The following PTPRD variants were observed in gnomAD, a reference collection of about 807,000 sequenced individuals.
PTPRD encodes receptor-type tyrosine-protein phosphatase delta.
In PTPRD, 34 loss-of-function variants were observed where a neutral mutation model predicts 214.5. The observed-to-expected ratio is 0.16, with a 90% CI of 0.12 to 0.21. The LOEUF is 0.21. Among genes scored for constraint, PTPRD ranks in the 10% least tolerant of loss-of-function variants. PTPRD has a pLI of 1.00. For missense variants in PTPRD, 2,545 were observed against 2,398.7 expected, an observed-to-expected ratio of 1.06 and a Z score of -1.27; for synonymous variants, 1,128 against 845.7, an observed-to-expected ratio of 1.33 and a Z score of -5.79.
chr9:8,420,176 G>A (rs1203524669), intron 35 of PTPRD, among the ~76,000 whole-genome samples: 5 of 151,988 alleles, frequency 3.3e-5, no homozygotes, highest in African/African-American at 1.2e-4. Context: ...AACACTAAAG[G>A]AACCCTTGGA....
rs1223426076 is a variant in PTPRD at position 8,971,499 on chromosome 9, CAA to C, written c.-104+47196_-104+47197del. 2.6e-5 allele frequency among the ~76,000 whole-genome samples: 4 copies of C among 151,698 alleles called. No homozygotes were observed. The East Asian group carries it at 5.8e-4, about 22-fold the overall frequency. ...GGGAAGGACAGTTATGCCTAATTCA[CAA>C]AGTTATTGTGAATATTAAATGAATT... On this transcript the variant is annotated intron_variant, in intron 11 of 45. Coordinates refer to ENST00000381196, the MANE Select transcript of PTPRD (RefSeq NM_002839.4).
At chr9:8,905,804 C>G (rs1466290938) in intron 11 of PTPRD, among the ~76,000 whole-genome samples, 1 of 151,516 alleles carries the variant, frequency 6.6e-6, no homozygotes, top group Admixed American at 6.6e-5. Context: ...TGTAGGCTAG[C>G]TTGGAATAAT....
At chr9:9,374,979 C>A (rs1383620114) in intron 9 of PTPRD, among the ~76,000 whole-genome samples, 1 of 151,972 alleles carries the variant, frequency 6.6e-6, no homozygotes, top group Non-Finnish European at 1.5e-5. Context: ...ATATCATGAG[C>A]AAAAATATCA....
chr9:10,321,606 G>T (rs1471897386), intron 3 of PTPRD, among the ~76,000 whole-genome samples: 2 of 150,408 alleles, frequency 1.3e-5, no homozygotes, highest in Non-Finnish European at 3.0e-5. Context: ...TAAAAGCGGG[G>T]GTGGAATGGA....
intron 12 of PTPRD, among the ~76,000 whole-genome samples, chr9:8,650,876 CT>C (rs531637673): frequency 2.1e-3 from 294 of 139,970 alleles, no homozygotes; most frequent in Middle Eastern, 3.6e-3. Flanking sequence ...ATTTAGCATT[CT>C]TTTTTTTTTT....
intron 12 of PTPRD, among the ~76,000 whole-genome samples, chr9:8,718,897 T>C (rs190136768): frequency 1.3e-5 from 2 of 152,176 alleles, no homozygotes; most frequent in Admixed American, 6.5e-5. Context: ...GGATCAATGG[T>C]GTTTTCTCAT....
At chr9:9,030,130 T>A (rs528029022) in intron 10 of PTPRD, among the ~76,000 whole-genome samples, 2 of 151,604 alleles carry the variant, frequency 1.3e-5, no homozygotes, top group South Asian at 4.2e-4. Context: ...TAACAGGAAA[T>A]CTATGAAAGG....
chr9:8,427,223 C>T (rs957909416), intron 35 of PTPRD, among the ~76,000 whole-genome samples: 16 of 152,134 alleles, frequency 1.1e-4, no homozygotes, highest in African/African-American at 3.6e-4. Context: ...AAAATGTAAT[C>T]ACTTCTGCAC....
At chr9:9,654,272 T>C (rs974225694) in intron 7 of PTPRD, among the ~76,000 whole-genome samples, 1 of 152,164 alleles carries the variant, frequency 6.6e-6, no homozygotes. Flanking sequence ...TAGTAAAATA[T>C]GTGATGTATA....
At chr9:9,009,656 T>C (rs913082882) in intron 11 of PTPRD, among the ~76,000 whole-genome samples, 2 of 151,980 alleles carry the variant, frequency 1.3e-5, no homozygotes, top group African/African-American at 2.4e-5. Context: ...TTAGAGTTAA[T>C]ATAATTTAGA....
intron 7 of PTPRD, among the ~76,000 whole-genome samples, chr9:9,720,811 C>CA (rs112359063): frequency 0.43 from 65,106 of 151,470 alleles, 16,475 homozygotes; most frequent in African/African-American, 0.7. Context: ...ACTATGCAAC[C>CA]AAAAAAAAGA....
intron 3 of PTPRD, among the ~76,000 whole-genome samples, chr9:10,266,966 G>A (rs2094107904): frequency 1.3e-5 from 2 of 151,838 alleles, no homozygotes; most frequent in South Asian, 2.1e-4. Flanking sequence ...CGAGGCGGGC[G>A]AATCACCAGG....
intron 3 of PTPRD, among the ~76,000 whole-genome samples, chr9:10,196,384 C>T (rs188689216): frequency 7.9e-5 from 12 of 152,146 alleles, no homozygotes; most frequent in Non-Finnish European, 1.5e-4. Context: ...AAACATCTGG[C>T]ACAAATTAAG....
intron 35 of PTPRD, among the ~76,000 whole-genome samples, chr9:8,421,232 A>T (rs1460056597): frequency 6.6e-6 from 1 of 152,148 alleles, no homozygotes; most frequent in Non-Finnish European, 1.5e-5. Flanking sequence ...TCTCTTTTGC[A>T]GGAGATGCAG....
intron 14 of PTPRD, among the ~76,000 whole-genome samples, chr9:8,603,019 T>C (rs911105739): frequency 2.0e-5 from 3 of 152,162 alleles, no homozygotes; most frequent in African/African-American, 7.2e-5. Context: ...CAAAAAAATA[T>C]AGCAACTAAA....
At chr9:9,544,186 T>C (rs1279030669) in intron 8 of PTPRD, among the ~76,000 whole-genome samples, 3 of 151,648 alleles carry the variant, frequency 2.0e-5, no homozygotes, top group African/African-American at 7.2e-5. Context: ...TACTTTTATT[T>C]ATATCCGTGG....
At chr9:9,899,811 A>G (rs1231012477) in intron 5 of PTPRD, among the ~76,000 whole-genome samples, 6 of 152,154 alleles carry the variant, frequency 3.9e-5, no homozygotes, top group Admixed American at 3.9e-4. Flanking sequence ...AGTGTCCATC[A>G]AGAAACAGAT....
chr9:9,991,845 C>CACAT (rs1323779207), intron 4 of PTPRD, among the ~76,000 whole-genome samples: 2 of 147,928 alleles, frequency 1.4e-5, no homozygotes, highest in African/African-American at 2.6e-5. Context: ...CACACACACA[C>CACAT]ACACACACAC....
chr9:9,514,555 T>C (rs2096788885), intron 8 of PTPRD, among the ~76,000 whole-genome samples: 1 of 152,146 alleles, frequency 6.6e-6, no homozygotes, highest in African/African-American at 2.4e-5. Flanking sequence ...GGGTGATTAA[T>C]GTCCAAGTTA....
Sources: gnomAD v4.1 joint callset for allele counts (sites outside exome capture counted in the v4.1 genomes callset) on GRCh38, gnomAD v4.1.1 for gene constraint, MANE v1.5 for transcripts, NCBI Gene and HGNC (gene_info 2026-07-23, HGNC 2026-07-21) for gene names.